ARHGEF12: variants seen among roughly 807,000 people sequenced by gnomAD.
ARHGEF12 encodes Rho guanine nucleotide exchange factor 12, also known as KMT2A/ARHGEF12 fusion protein.
Under a neutral mutation model 211.2 loss-of-function variants are expected in ARHGEF12, and 66 were observed. The ratio of observed to expected loss-of-function variants is 0.31; its 90% confidence interval spans 0.26 to 0.38. ARHGEF12 has a LOEUF of 0.38. ARHGEF12 is among the 10% of genes least tolerant of loss of function. ARHGEF12 has a pLI of 1.00. For missense variants in ARHGEF12, 1,429 were observed against 1,869.5 expected (o/e 0.76, Z 4.34); for synonymous variants, 592 against 638.4 (o/e 0.93, Z 1.09).
chr11:120,465,027 A>G (rs1234971877), intron 27 of ARHGEF12: 18 of 569,112 alleles, frequency 3.2e-5, no homozygotes, highest in Non-Finnish European at 5.0e-5. Flanking sequence ...AAAAAAGAAG[A>G]AGAAAACATT....
intron 1 of ARHGEF12, among the ~76,000 whole-genome samples, chr11:120,353,229 C>G (rs1943039688): frequency 6.6e-6 from 1 of 152,218 alleles, no homozygotes. Flanking sequence ...AACTTGAGGT[C>G]TGTCTCAGAA....
chr11:120,481,807 T>C (rs1447748456), intron 39 of ARHGEF12, among the ~76,000 whole-genome samples: 1 of 150,840 alleles, frequency 6.6e-6, no homozygotes, highest in Non-Finnish European at 1.5e-5. Context: ...TCAACCAGGC[T>C]AGAGTGCAGT....
At chr11:120,473,197 A>AT in intron 31 of ARHGEF12, 70 bp downstream of exon 31, 1 of 1,367,078 alleles carries the variant, frequency 7.3e-7, no homozygotes, top group Non-Finnish European at 1.0e-6. Context: ...GGTAATTAAC[A>AT]TCTCAGTGGG....
chr11:120,390,603 A>G (rs1944181435), intron 1 of ARHGEF12, among the ~76,000 whole-genome samples: 1 of 152,188 alleles, frequency 6.6e-6, no homozygotes, highest in Non-Finnish European at 1.5e-5. Flanking sequence ...TTTTCCTAAA[A>G]CTATGTAACG....
rs1313460608 is a variant in ARHGEF12 at position 120,485,071 on chromosome 11, A to T, written c.4629A>T (p.Lys1543Asn). 2.5e-6 allele frequency: 4 copies of T among 1,613,508 alleles called. No homozygotes were observed. In the African/African-American group the frequency reaches 5.3e-5, roughly 22 times the overall value. ...ATGTATCTTTATTCTTCTCAGATAA[A>T]AGTTAGAGCCGCATGTCCTGGAGGT... ...GSALTDKHSD[K>N]S is the part of the protein sequence containing the mutation. The change falls in exon 41 of 41, where the codon AAA becomes AAT. Residue 1543 changes from lysine to asparagine, a missense_variant. Physicochemically the swap from Lys to Asn is moderately conservative, Grantham distance 94. This residue lies in a region of ARHGEF12 where 467 missense variants were observed against 468.4 expected (regional missense o/e 1.00). Coordinates refer to ENST00000397843, the MANE Select transcript of ARHGEF12 (RefSeq NM_015313.3).
At chr11:120,393,506 T>G (rs1276894686) in intron 1 of ARHGEF12, among the ~76,000 whole-genome samples, 2 of 152,150 alleles carry the variant, frequency 1.3e-5, no homozygotes, top group African/African-American at 4.8e-5. Flanking sequence ...CTAATCTACA[T>G]TAAAGGAAAA....
Position 120,428,246 on chromosome 11 carries a change from G to T in ARHGEF12, c.584G>T (p.Gly195Val). 1 of 1,561,602 alleles carries T rather than the reference G, an allele frequency of 6.4e-7. No homozygotes were observed. Among genetic ancestry groups the T allele is most frequent in the East Asian group, 2.4e-5 (1 of 42,444 alleles). ...AGAATCACTAGTCCTGTGCTCATGG[G>T]GGTAAGAATGGGGAAATTTCTTAGT... ...MERITSPVLM[G>V]EENNVVHNQK... Residue 195 changes from glycine (G) to valine (V), a missense_variant and splice_region_variant, in exon 8 of 41, where the codon GGG becomes GTG. Gly to Val is a moderately radical substitution (Grantham distance 109). Transcript: ENST00000397843.
In ARHGEF12 at chr11:120,486,219, ACT is replaced by A. The variant is rs1947393538; in HGVS notation, c.*1145_*1146del. Reference sequence around the variant, plus strand: ...TAAAATTTTAGTACCTGGAGGTTTGACTCTAATTTTTGCACTGATGGTGCCAA... The same window carrying A: ...TAAAATTTTAGTACCTGGAGGTTTGACTAATTTTTGCACTGATGGTGCCAA... On this transcript the variant is annotated 3_prime_UTR_variant, in exon 41 of 41. Coordinates refer to ENST00000397843, the MANE Select transcript of ARHGEF12 (RefSeq NM_015313.3). The A allele has an allele frequency of 4.3e-6, 1 of 233,114 alleles. No individual in the cohort carries two copies. Among genetic ancestry groups the A allele is most frequent in the Admixed American group, 5.6e-5 (1 of 17,748 alleles). The allele number at this position is 233,114 out of a possible 1,614,324, so 14.4% of individuals were successfully genotyped here. A position where few individuals can be genotyped will look rare whatever the true frequency, so the allele number is the denominator to read the frequency against.
At chr11:120,465,116 T>A (rs774952306) in intron 27 of ARHGEF12, 121 bp from the exon 28 acceptor site, 203 of 1,257,490 alleles carry the variant, frequency 1.6e-4, no homozygotes, top group Non-Finnish European at 2.2e-4. Context: ...CACATAGATA[T>A]GCAGTTCTGT....
intron 4 of ARHGEF12, chr11:120,411,550 C>G (rs1269900995): frequency 1.5e-5 from 2 of 137,122 alleles, no homozygotes; most frequent in Admixed American, 1.5e-4. Flanking sequence ...ATGCTAGTTA[C>G]TCACATATTA....
At chr11:120,398,793 A>T (rs1300203636) in intron 1 of ARHGEF12, among the ~76,000 whole-genome samples, 2 of 152,206 alleles carry the variant, frequency 1.3e-5, no homozygotes, top group East Asian at 3.8e-4. Flanking sequence ...AGAAGGTGTT[A>T]TATAGAAGAT....
chr11:120,480,720 G>A (rs1452462461), intron 38 of ARHGEF12, among the ~76,000 whole-genome samples: 2 of 136,272 alleles, frequency 1.5e-5, no homozygotes, highest in South Asian at 2.2e-4. Flanking sequence ...ACTTCAGGAA[G>A]TATTAGGAAG....
intron 27 of ARHGEF12, chr11:120,462,440 A>G (rs1946562103): frequency 6.6e-6 from 1 of 152,224 alleles, no homozygotes; most frequent in African/African-American, 2.4e-5. Context: ...AAACAGCTTA[A>G]ACTATTATGA....
chr11:120,483,126 TA>T (rs1403105861), intron 39 of ARHGEF12, among the ~76,000 whole-genome samples: 5 of 152,186 alleles, frequency 3.3e-5, no homozygotes, highest in African/African-American at 1.2e-4. Flanking sequence ...TATCTTTATT[TA>T]CATAGATTTT....
chr11:120,365,212 G>T (rs972009570), intron 1 of ARHGEF12, among the ~76,000 whole-genome samples: 2 of 152,152 alleles, frequency 1.3e-5, no homozygotes, highest in African/African-American at 4.8e-5. Flanking sequence ...TTTGTCATGA[G>T]AGACACTTTT....
chr11:120,436,270 A>G (rs1273220534), intron 11 of ARHGEF12, among the ~76,000 whole-genome samples: 1 of 152,138 alleles, frequency 6.6e-6, no homozygotes, highest in African/African-American at 2.4e-5. Flanking sequence ...TCTTTTATAT[A>G]TCTTGTCCAA....
intron 1 of ARHGEF12, among the ~76,000 whole-genome samples, chr11:120,384,041 C>T (rs761350812): frequency 2.0e-5 from 3 of 152,026 alleles, no homozygotes; most frequent in African/African-American, 7.3e-5. Context: ...TTGGGCTGGT[C>T]AGAAAGTGCC....
chr11:120,396,690 A>G (rs975892470), intron 1 of ARHGEF12, among the ~76,000 whole-genome samples: 8 of 152,232 alleles, frequency 5.3e-5, no homozygotes, highest in African/African-American at 1.9e-4. Context: ...TAGACCTAAA[A>G]GTAAAATAGA....
At chr11:120,428,665 A>G (rs573635302) in intron 8 of ARHGEF12, among the ~76,000 whole-genome samples, 106 of 152,340 alleles carry the variant, frequency 7.0e-4, no homozygotes, top group Non-Finnish European at 1.2e-3. Flanking sequence ...ACAAGTAACT[A>G]TAATACAAGG....
Sources: allele counts gnomAD v4.1 joint callset (sites outside exome capture counted in the v4.1 genomes callset), GRCh38; gene constraint gnomAD v4.1.1; regional missense constraint gnomAD v4.1.1; transcripts MANE v1.5; gene names NCBI Gene and HGNC (gene_info 2026-07-23, HGNC 2026-07-21).